The following MREG variants were observed in gnomAD, a reference collection of about 807,000 sequenced individuals.
MREG encodes dilute suppressor protein homolog.
In MREG, 31 loss-of-function variants were observed where a neutral mutation model predicts 28.5. The ratio of observed to expected loss-of-function variants is 1.09; its 90% CI spans 0.82 to 1.47. The LOEUF (loss-of-function observed/expected upper bound fraction) is 1.47, where lower values mean the gene tolerates loss of function less well. MREG is among the 40% of genes most tolerant of loss of function. The probability of loss-of-function intolerance (pLI) is 0.00; values close to 1 mark genes in which losing one functional copy is unlikely to be tolerated. For missense variants in MREG, 256 were observed against 257.4 expected (o/e 0.99, Z 0.04); for synonymous variants, 106 against 95.2 (o/e 1.11, Z -0.66).
chr2:215,964,876 TAGATAGAC>T lies in MREG; in HGVS notation c.256-17771_256-17764del, dbSNP rs1382128205. Among the ~76,000 whole-genome samples the T allele has an allele frequency of 5.3e-3, 454 of 84,988 alleles. 1 individual carries two copies. The highest frequency in any genetic ancestry group is 0.019 in the African/African-American group (423 of 22,696). 55.8% of individuals were successfully genotyped at this position (84,988 alleles called of 152,430 possible). Reference sequence around the variant, plus strand: ...ATAGATAGATAGATAGATAGATAGATAGATAGACAGACAGATATCTCTTTTTAAAATAC... The same window carrying T: ...ATAGATAGATAGATAGATAGATAGATAGACAGATATCTCTTTTTAAAATAC... On this transcript the variant is annotated intron_variant, in intron 2 of 4. Transcript: ENST00000263268.
At chr2:216,022,601 C>T (rs1027842550) in intron 1 of MREG, among the ~76,000 whole-genome samples, 1 of 152,188 alleles carries the variant, frequency 6.6e-6, no homozygotes, top group African/African-American at 2.4e-5. Flanking sequence ...AAACACTTTC[C>T]AGATGCCCAG....
rs1574583915 is a variant in MREG at position 215,943,711 on chromosome 2, C to T, written c.*1152G>A. ...AAAAAATTAGCCAGGTGTGGTGGCACGCGCCTGTAGTTCCAGCTACTCCAG... is the reference window on the plus strand; with the variant it reads ...AAAAAATTAGCCAGGTGTGGTGGCATGCGCCTGTAGTTCCAGCTACTCCAG... On this transcript the variant is annotated 3_prime_UTR_variant, in exon 5 of 5. Transcript: ENST00000263268. The T allele has an allele frequency of 8.9e-6, 3 of 336,160 alleles. No homozygotes were observed. The highest frequency in any genetic ancestry group is 1.1e-3 in the Middle Eastern group (1 of 936). 20.8% of individuals were successfully genotyped at this position (336,160 alleles called of 1,614,324 possible).
chr2:215,957,730 C>T (rs1692663839), intron 2 of MREG, among the ~76,000 whole-genome samples: 1 of 152,110 alleles, frequency 6.6e-6, no homozygotes, highest in African/African-American at 2.4e-5. Context: ...TTCCTTCCCC[C>T]AGCTCTCATC....
At chr2:216,029,553 T>A (rs1168960921) in intron 1 of MREG, among the ~76,000 whole-genome samples, 1 of 152,142 alleles carries the variant, frequency 6.6e-6, no homozygotes, top group African/African-American at 2.4e-5. Context: ...CTTATGCACC[T>A]CCCCCTGCCT....
At chr2:216,019,276 G>T (rs751896084) in intron 1 of MREG, among the ~76,000 whole-genome samples, 1 of 152,082 alleles carries the variant, frequency 6.6e-6, no homozygotes, top group Non-Finnish European at 1.5e-5. Flanking sequence ...GGGTTAAGAG[G>T]CAGGAAAAGG....
intron 2 of MREG, among the ~76,000 whole-genome samples, chr2:215,980,454 G>A (rs867273780): frequency 2.9e-4 from 44 of 152,104 alleles, no homozygotes; most frequent in Admixed American, 1.8e-3. Flanking sequence ...TACCTTCCAC[G>A]GCCAAGCAGC....
chr2:216,028,298 G>C (rs1250898986), intron 1 of MREG, among the ~76,000 whole-genome samples: 1 of 152,016 alleles, frequency 6.6e-6, no homozygotes, highest in South Asian at 2.1e-4. Context: ...GATGGATCAC[G>C]AGGTCAGGAG....
At chr2:215,987,764 G>A (rs987901511) in intron 2 of MREG, among the ~76,000 whole-genome samples, 1 of 152,074 alleles carries the variant, frequency 6.6e-6, no homozygotes, top group South Asian at 2.1e-4. Context: ...TTAGCCGGGT[G>A]TGGTGGCGCA....
chr2:216,031,648 AAAG>A (rs1694704026), intron 1 of MREG, among the ~76,000 whole-genome samples: 1 of 25,118 alleles, frequency 4.0e-5, no homozygotes, highest in Non-Finnish European at 8.8e-5. Context: ...AGGAAGAAGA[AAAG>A]AAAGAAAGAA....
chr2:216,019,944 CA>C (rs1694498012), intron 1 of MREG, among the ~76,000 whole-genome samples: 2 of 152,094 alleles, frequency 1.3e-5, no homozygotes, highest in Admixed American at 6.5e-5. Context: ...CCTCAAAATT[CA>C]GTAGAGATTA....
chr2:216,025,036 T>C (rs1395032698), intron 1 of MREG, among the ~76,000 whole-genome samples: 1 of 152,102 alleles, frequency 6.6e-6, no homozygotes, highest in Non-Finnish European at 1.5e-5. Context: ...AAATGTATTA[T>C]AAAGATGAAC....
intron 1 of MREG, among the ~76,000 whole-genome samples, chr2:216,002,492 G>A (rs1333717611): frequency 1.3e-5 from 2 of 152,196 alleles, no homozygotes; most frequent in African/African-American, 4.8e-5. Context: ...CACAGGCCAT[G>A]TGGCAGTGGC....
At chr2:215,949,994 G>T (rs1157204802) in intron 2 of MREG, among the ~76,000 whole-genome samples, 1 of 152,196 alleles carries the variant, frequency 6.6e-6, no homozygotes, top group African/African-American at 2.4e-5. Flanking sequence ...ATATTAGGCA[G>T]AGCTACACTG....
At chr2:215,949,063 C>CTAA (rs1491311719) in intron 2 of MREG, among the ~76,000 whole-genome samples, 10 of 139,180 alleles carry the variant, frequency 7.2e-5, no homozygotes, top group Admixed American at 3.7e-4. Flanking sequence ...ACTACTACTA[C>CTAA]TACTACTACT....
chr2:216,003,474 G>GT (rs1359031300), intron 1 of MREG, among the ~76,000 whole-genome samples: 1 of 152,246 alleles, frequency 6.6e-6, no homozygotes, highest in Non-Finnish European at 1.5e-5. Context: ...CCAGTCCTTG[G>GT]TGTCTCCTCT....
At chr2:216,012,754 G>A (rs1445928533) in intron 1 of MREG, among the ~76,000 whole-genome samples, 1 of 152,092 alleles carries the variant, frequency 6.6e-6, no homozygotes. Flanking sequence ...TTTTTTTCAT[G>A]TGAAAAATAT....
chr2:216,024,839 C>T (rs1347468849), intron 1 of MREG, among the ~76,000 whole-genome samples: 3 of 146,944 alleles, frequency 2.0e-5, no homozygotes, highest in East Asian at 2.0e-4. Context: ...GCCGAGATCA[C>T]GCCATTGCAC....
chr2:215,970,687 C>T (rs990320516), intron 2 of MREG, among the ~76,000 whole-genome samples: 7 of 152,312 alleles, frequency 4.6e-5, no homozygotes, highest in African/African-American at 1.2e-4. Flanking sequence ...CTCAGTTTTA[C>T]GAACTGTAGA....
At chr2:215,955,167 AAT>A (rs1205832911) in intron 2 of MREG, among the ~76,000 whole-genome samples, 1 of 152,208 alleles carries the variant, frequency 6.6e-6, no homozygotes, top group Non-Finnish European at 1.5e-5. Flanking sequence ...TTCACTTAAT[AAT>A]ATGTTTTAGC....
Sources: allele counts gnomAD v4.1 joint callset (sites outside exome capture counted in the v4.1 genomes callset), GRCh38; gene constraint gnomAD v4.1.1; transcripts MANE v1.5; gene names NCBI Gene and HGNC (gene_info 2026-07-23, HGNC 2026-07-21).